ESRP1: variants seen among roughly 807,000 people sequenced by gnomAD.
The protein encoded by ESRP1 is RNA-binding motif protein 35A.
In ESRP1, 33 loss-of-function variants were observed where a neutral mutation model predicts 81.7. That is an observed-to-expected ratio of 0.40 (90% confidence interval 0.31 to 0.54). The LOEUF (loss-of-function observed/expected upper bound fraction) is 0.54, where lower values mean the gene tolerates loss of function less well. Among genes scored for constraint, ESRP1 ranks in the 20% least tolerant of loss-of-function variants. The probability of loss-of-function intolerance (pLI) is 0.41; values close to 1 mark genes in which losing one functional copy is unlikely to be tolerated. For missense variants in ESRP1, 672 were observed against 833.1 expected, an observed-to-expected ratio of 0.81 and a Z score of 2.38; for synonymous variants, 320 against 303.3, an observed-to-expected ratio of 1.06 and a Z score of -0.57.
chr8:94,668,285 A>C (rs1184361567), intron 10 of ESRP1, 35 bp downstream of exon 10: 2 of 1,514,818 alleles, frequency 1.3e-6, no homozygotes, highest in Non-Finnish European at 8.9e-7. Flanking sequence ...GTACCTTTGC[A>C]TTAATTTCTG....
chr8:94,670,879 C>A (rs1819283321), intron 10 of ESRP1, among the ~76,000 whole-genome samples: 2 of 152,148 alleles, frequency 1.3e-5, no homozygotes, highest in African/African-American at 4.8e-5. Context: ...TCTTTATACC[C>A]ACCCATTCTG....
chr8:94,646,947 G>A (rs1043802999), intron 4 of ESRP1, among the ~76,000 whole-genome samples: 3 of 152,116 alleles, frequency 2.0e-5, no homozygotes, highest in Non-Finnish European at 4.4e-5. Context: ...TAATAAGCAG[G>A]CGTGTGCTAA....
intron 2 of ESRP1, 41 bp from the exon 3 acceptor site, chr8:94,643,262 C>A: frequency 7.4e-7 from 1 of 1,342,648 alleles, no homozygotes; most frequent in Non-Finnish European, 1.1e-6. Flanking sequence ...GTTTGTAAAT[C>A]GTGCATCAGT....
At chr8:94,690,022 GT>G (rs1244897204) in intron 13 of ESRP1, among the ~76,000 whole-genome samples, 3 of 151,598 alleles carry the variant, frequency 2.0e-5, no homozygotes, top group Admixed American at 1.3e-4. Context: ...GTTTCACCGT[GT>G]TAGCCAGGAT....
At chr8:94,673,884 G>T (rs1263016453) in intron 11 of ESRP1, among the ~76,000 whole-genome samples, 1 of 152,118 alleles carries the variant, frequency 6.6e-6, no homozygotes, top group Non-Finnish European at 1.5e-5. Flanking sequence ...TACCGGTTCA[G>T]TTTCCTGTAG....
chr8:94,665,144 C>T lies in ESRP1; in HGVS notation c.889-10C>T, dbSNP rs780401906. 1.2e-6 allele frequency: 2 copies of T among 1,613,584 alleles called. No individual in the cohort carries two copies. Among genetic ancestry groups the T allele is most frequent in the South Asian group, 1.1e-5 (1 of 90,938 alleles). ...GGCTCAGAAACACTAACTTCTCTGTCTTTTCTCAGGTTTACAAAGCAACAG... is the reference window on the plus strand; with the variant it reads ...GGCTCAGAAACACTAACTTCTCTGTTTTTTCTCAGGTTTACAAAGCAACAG... On this transcript the variant is annotated splice_polypyrimidine_tract_variant and intron_variant, in intron 8 of 15. Transcript: ENST00000433389.
At chr8:94,683,982 G>T (rs1809033324) in intron 13 of ESRP1, among the ~76,000 whole-genome samples, 1 of 152,054 alleles carries the variant, frequency 6.6e-6, no homozygotes, top group South Asian at 2.1e-4. Context: ...CGAGTAGCTG[G>T]GATTACAGGC....
At chr8:94,684,047 A>C (rs963994530) in intron 13 of ESRP1, among the ~76,000 whole-genome samples, 1 of 152,124 alleles carries the variant, frequency 6.6e-6, no homozygotes, top group African/African-American at 2.4e-5. Context: ...GAGTTTGTCC[A>C]TGTTGGTCAA....
chr8:94,692,133 T>G (rs1479544273), intron 13 of ESRP1, among the ~76,000 whole-genome samples: 3 of 152,174 alleles, frequency 2.0e-5, no homozygotes, highest in Non-Finnish European at 4.4e-5. Flanking sequence ...CCACCCCCAT[T>G]TTTTAAAAGG....
chr8:94,646,495 A>AT (rs1440347461), intron 4 of ESRP1: 10 of 411,052 alleles, frequency 2.4e-5, no homozygotes, highest in Non-Finnish European at 3.9e-5. Flanking sequence ...TTGGAGATGG[A>AT]TTTTTTGGTG....
At chr8:94,689,853 G>A (rs1191973498) in intron 13 of ESRP1, among the ~76,000 whole-genome samples, 1 of 94,238 alleles carries the variant, frequency 1.1e-5, no homozygotes, top group Non-Finnish European at 2.3e-5. Flanking sequence ...GTCTTGCTCT[G>A]TCGCCCAGGC....
rs559584797 is a variant in ESRP1 at position 94,668,106 on chromosome 8, C to T, written c.1089C>T (p.Thr363=). Residue 363 remains threonine (T), a synonymous_variant, in exon 10 of 16, where the codon ACC becomes ACT. Transcript: ENST00000433389. ...GAAAGGAAGGCATCCTCTTTGTCAC[C>T]TACCCAGATGGTAGGCCAACAGGGG... ...TGGKEGILFV[T]YPDGRPTGDA... 13 of 1,613,996 alleles carry T rather than the reference C, an allele frequency of 8.1e-6. No individual in the cohort carries two copies. In the Admixed American group the frequency reaches 1.0e-4, roughly 12 times the overall value.
chr8:94,683,148 T>C (rs1057053906), intron 13 of ESRP1, among the ~76,000 whole-genome samples: 1 of 151,438 alleles, frequency 6.6e-6, no homozygotes, highest in Non-Finnish European at 1.5e-5. Context: ...TTCTCCATGT[T>C]GGTCAGGCTA....
chr8:94,641,304 T>TCCCCCC lies in ESRP1; in HGVS notation c.-11_-10insCCCCCC. On this transcript the variant is annotated 5_prime_UTR_variant, in exon 1 of 16. Coordinates refer to ENST00000433389, the MANE Select transcript of ESRP1 (RefSeq NM_017697.4). ...CGCCTCCCGACCCCCCCTCTCCCCC[T>TCCCCCC]CCCCACCTATCGTCATGACGGCCTC... 2 of 846,426 alleles carry TCCCCCC rather than the reference T, an allele frequency of 2.4e-6. No homozygotes were observed. Among genetic ancestry groups the TCCCCCC allele is most frequent in the Admixed American group, 2.1e-5 (1 of 48,424 alleles). 52.4% of individuals were successfully genotyped at this position (846,426 alleles called of 1,614,324 possible).
At chr8:94,679,340 C>T (rs1808774974) in intron 13 of ESRP1, among the ~76,000 whole-genome samples, 1 of 152,180 alleles carries the variant, frequency 6.6e-6, no homozygotes. Context: ...GCATGAGTAA[C>T]TGTTCATGAT....
At chr8:94,691,383 T>C (rs1170214222) in intron 13 of ESRP1, among the ~76,000 whole-genome samples, 1 of 152,212 alleles carries the variant, frequency 6.6e-6, no homozygotes, top group Non-Finnish European at 1.5e-5. Context: ...TGTAAAGTAA[T>C]AGTTCAGGCT....
intron 9 of ESRP1, among the ~76,000 whole-genome samples, chr8:94,666,527 C>T (rs1440907972): frequency 6.6e-6 from 1 of 152,176 alleles, no homozygotes; most frequent in East Asian, 1.9e-4. Context: ...CCATTTGACA[C>T]CTATTGCCAA....
At chr8:94,671,928 G>A (rs558063504) in intron 11 of ESRP1, among the ~76,000 whole-genome samples, 1 of 152,206 alleles carries the variant, frequency 6.6e-6, no homozygotes, top group Admixed American at 6.5e-5. Flanking sequence ...AAATACAAGA[G>A]GTCTTTAGAA....
intron 13 of ESRP1, chr8:94,688,646 C>T (rs766763753): frequency 1.6e-5 from 3 of 190,338 alleles, no homozygotes; most frequent in African/African-American, 2.4e-5. Context: ...AATGCCTCAA[C>T]AGACAAAAAC....
Sources: allele counts gnomAD v4.1 joint callset (sites outside exome capture counted in the v4.1 genomes callset), GRCh38; gene constraint gnomAD v4.1.1; transcripts MANE v1.5; gene names NCBI Gene and HGNC (gene_info 2026-07-23, HGNC 2026-07-21).